ADGRB3: variants seen among roughly 807,000 people sequenced by gnomAD.
ADGRB3 encodes the protein adhesion G protein-coupled receptor B3.
A neutral mutation model predicts 193.4 loss-of-function variants in ADGRB3; 37 were observed. The ratio of observed to expected loss-of-function variants is 0.19; its 90% CI spans 0.15 to 0.25. The LOEUF is 0.25. Ranked by LOEUF, ADGRB3 falls within the 10% of genes least tolerant of loss-of-function variation. ADGRB3 has a pLI of 1.00. For synonymous variants in ADGRB3, 690 were observed against 644.2 expected (o/e 1.07, Z -1.08); for missense variants, 1,637 against 1,852.9 (o/e 0.88, Z 2.14).
At chr6:69,211,027 CAGG>C (rs1765653056) in intron 17 of ADGRB3, among the ~76,000 whole-genome samples, 1 of 151,926 alleles carries the variant, frequency 6.6e-6, no homozygotes, top group Admixed American at 6.6e-5. Context: ...GAGGCTGAGG[CAGG>C]AGAATGGCCT....
intron 3 of ADGRB3, among the ~76,000 whole-genome samples, chr6:68,724,268 C>T (rs1317220860): frequency 1.3e-5 from 2 of 151,736 alleles, no homozygotes; most frequent in South Asian, 2.1e-4. Flanking sequence ...CCATATTGCA[C>T]AGATGCCAAA....
intron 3 of ADGRB3, among the ~76,000 whole-genome samples, chr6:68,890,446 G>A (rs1766040725): frequency 6.6e-6 from 1 of 152,178 alleles, no homozygotes; most frequent in East Asian, 1.9e-4. Context: ...CCACAGTTTA[G>A]CAATCTTTAG....
At chr6:69,266,174 T>A (rs544873056) in intron 20 of ADGRB3, among the ~76,000 whole-genome samples, 36 of 152,136 alleles carry the variant, frequency 2.4e-4, no homozygotes, top group Admixed American at 1.9e-3. Flanking sequence ...TCACAGCCAG[T>A]AACATGAAAT....
At chr6:69,303,367 TC>T (rs1476778611) in intron 20 of ADGRB3, among the ~76,000 whole-genome samples, 1 of 151,814 alleles carries the variant, frequency 6.6e-6, no homozygotes, top group African/African-American at 2.4e-5. Flanking sequence ...TGCCTCTCCT[TC>T]CACCTCGTCT....
chr6:69,314,746 G>T (rs1026784680), intron 20 of ADGRB3, among the ~76,000 whole-genome samples: 1 of 151,588 alleles, frequency 6.6e-6, no homozygotes, highest in Non-Finnish European at 1.5e-5. Context: ...TGACACTGCT[G>T]TCAATGTAGC....
At chr6:69,292,249 G>T (rs1767702454) in intron 20 of ADGRB3, among the ~76,000 whole-genome samples, 1 of 152,054 alleles carries the variant, frequency 6.6e-6, no homozygotes, top group Admixed American at 6.6e-5. Flanking sequence ...AGGACAGATA[G>T]AAAGATATTT....
At chr6:68,895,267 T>C (rs887653966) in intron 3 of ADGRB3, among the ~76,000 whole-genome samples, 17 of 151,878 alleles carry the variant, frequency 1.1e-4, no homozygotes, top group African/African-American at 3.6e-4. Context: ...ACACTTCCTG[T>C]TGAAGTCTTT....
chr6:69,194,343 A>G (rs1241077098), intron 17 of ADGRB3, among the ~76,000 whole-genome samples: 1 of 151,946 alleles, frequency 6.6e-6, no homozygotes, highest in Non-Finnish European at 1.5e-5. Flanking sequence ...TAATAGTGAT[A>G]CTGGCCAGGT....
chr6:69,073,833 C>G (rs1656336351), intron 16 of ADGRB3, among the ~76,000 whole-genome samples: 1 of 152,172 alleles, frequency 6.6e-6, no homozygotes, highest in African/African-American at 2.4e-5. Context: ...TCCCTCACCC[C>G]TCTACCACCC....
At chr6:69,300,580 C>G (rs1274657822) in intron 20 of ADGRB3, among the ~76,000 whole-genome samples, 1 of 151,690 alleles carries the variant, frequency 6.6e-6, no homozygotes, top group Non-Finnish European at 1.5e-5. Flanking sequence ...TCTGAAGACT[C>G]CAAGAAACTA....
chr6:68,679,295 G>T (rs774970626), intron 3 of ADGRB3, among the ~76,000 whole-genome samples: 18 of 152,074 alleles, frequency 1.2e-4, no homozygotes, highest in Non-Finnish European at 2.1e-4. Flanking sequence ...CTGCTTTGTG[G>T]GTGGCTTTTC....
At chr6:68,913,790 T>G (rs988068446) in intron 3 of ADGRB3, among the ~76,000 whole-genome samples, 10 of 151,958 alleles carry the variant, frequency 6.6e-5, no homozygotes, top group Admixed American at 5.9e-4. Context: ...AGTTAAAAAC[T>G]TTGAAAAAAA....
chr6:68,649,244 A>G (rs1768288689), intron 3 of ADGRB3, among the ~76,000 whole-genome samples: 1 of 152,182 alleles, frequency 6.6e-6, no homozygotes, highest in Non-Finnish European at 1.5e-5. Context: ...TATTTAGTCC[A>G]AATCTTACCT....
intron 3 of ADGRB3, among the ~76,000 whole-genome samples, chr6:68,743,660 T>C (rs1180836092): frequency 3.3e-5 from 5 of 151,978 alleles, no homozygotes; most frequent in Non-Finnish European, 7.4e-5. Flanking sequence ...CCCCAAAATA[T>C]GAGAAATAAA....
At chr6:68,673,952 T>G (rs530162717) in intron 3 of ADGRB3, among the ~76,000 whole-genome samples, 20 of 152,238 alleles carry the variant, frequency 1.3e-4, no homozygotes, top group Middle Eastern at 3.4e-3. Context: ...GTTGCCAAAA[T>G]TATAGTAAAT....
intron 3 of ADGRB3, among the ~76,000 whole-genome samples, chr6:68,692,733 T>A (rs974874878): frequency 1.3e-5 from 2 of 151,568 alleles, no homozygotes; most frequent in African/African-American, 4.8e-5. Flanking sequence ...GTACAAGTTA[T>A]TTATATAATA....
chr6:68,985,483 C>T (rs960998990), intron 10 of ADGRB3, among the ~76,000 whole-genome samples: 4 of 152,138 alleles, frequency 2.6e-5, no homozygotes, highest in African/African-American at 9.7e-5. Context: ...TGATTTTCCT[C>T]TTCTGGGCAT....
chr6:68,819,788 TA>T (rs1421741340), intron 3 of ADGRB3, among the ~76,000 whole-genome samples: 1 of 152,072 alleles, frequency 6.6e-6, no homozygotes, highest in African/African-American at 2.4e-5. Flanking sequence ...AGAGTTAAAT[TA>T]AAAAACAACC....
chr6:69,052,541 T>A (rs1771428894), intron 15 of ADGRB3, among the ~76,000 whole-genome samples: 1 of 152,192 alleles, frequency 6.6e-6, no homozygotes. Flanking sequence ...TATATTTTGG[T>A]ATAATAATTT....
Sources: allele counts gnomAD v4.1 joint callset (sites outside exome capture counted in the v4.1 genomes callset), GRCh38; gene constraint gnomAD v4.1.1; transcripts MANE v1.5; gene names NCBI Gene and HGNC (gene_info 2026-07-23, HGNC 2026-07-21).